The following BABAM2 variants were observed in gnomAD, a reference collection of about 807,000 sequenced individuals.
BABAM2 encodes BRISC and BRCA1-A complex member 2.
Under a neutral mutation model 54.7 loss-of-function variants are expected in BABAM2, and 31 were observed. The ratio of observed to expected loss-of-function variants is 0.57; its 90% CI spans 0.43 to 0.77. The LOEUF (loss-of-function observed/expected upper bound fraction) is 0.77. Among genes scored for constraint, BABAM2 ranks in the 30% least tolerant of loss-of-function variants. The pLI is 0.00. For synonymous variants in BABAM2, 167 were observed against 162.9 expected (o/e 1.03, Z -0.19); for missense variants, 364 against 455.8 (o/e 0.80, Z 1.83).
chr2:28,035,050 CAG>C (rs1676566409), intron 5 of BABAM2, among the ~76,000 whole-genome samples: 1 of 152,044 alleles, frequency 6.6e-6, no homozygotes, highest in African/African-American at 2.4e-5. Flanking sequence ...AAATACACAC[CAG>C]AGTTTGAAGA....
chr2:28,335,997 G>T (rs1691431060), intron 11 of BABAM2, among the ~76,000 whole-genome samples: 1 of 152,354 alleles, frequency 6.6e-6, no homozygotes, highest in Admixed American at 6.5e-5. Context: ...TAGAGGAACA[G>T]AATAGATTTT....
intron 10 of BABAM2, among the ~76,000 whole-genome samples, chr2:28,288,600 G>C (rs1263299695): frequency 1.3e-5 from 2 of 152,020 alleles, no homozygotes; most frequent in Non-Finnish European, 2.9e-5. Context: ...TGCTGGGATA[G>C]ATTATGGCTT....
At chr2:28,249,341 G>C (rs1683219229) in intron 10 of BABAM2, among the ~76,000 whole-genome samples, 1 of 151,972 alleles carries the variant, frequency 6.6e-6, no homozygotes, top group African/African-American at 2.4e-5. Context: ...TACCCGCCTA[G>C]GCCTCCCAAA....
At chr2:27,951,213 C>T (rs909007819) in intron 3 of BABAM2, among the ~76,000 whole-genome samples, 2 of 152,160 alleles carry the variant, frequency 1.3e-5, no homozygotes, top group South Asian at 2.1e-4. Context: ...CTCTTCTTTT[C>T]GTAGTTTATT....
intron 11 of BABAM2, among the ~76,000 whole-genome samples, chr2:28,317,769 T>C (rs1689686512): frequency 6.6e-6 from 1 of 152,218 alleles, no homozygotes; most frequent in Non-Finnish European, 1.5e-5. Context: ...TTTCTTCTCA[T>C]ATTGTTCACA....
Position 27,938,119 on chromosome 2 carries a change from G to A in BABAM2, c.205+8211G>A, listed in dbSNP as rs55882208. Among the ~76,000 whole-genome samples, 478 of 152,210 alleles carry A rather than the reference G, an allele frequency of 3.1e-3. 4 individuals are homozygous for A. The highest frequency in any genetic ancestry group is 0.011 in the African/African-American group (458 of 41,528). On this transcript the variant is annotated intron_variant, in intron 3 of 11. Transcript: ENST00000379624. ...TGTCAAAAATCAGTTAGCTGTAGAA[G>A]CGTGGTTTTATTTCTGGGCTTTCCA... is the stretch of plus-strand genomic sequence containing the variant.
chr2:28,334,187 A>G (rs1453234328), intron 11 of BABAM2, among the ~76,000 whole-genome samples: 1 of 152,254 alleles, frequency 6.6e-6, no homozygotes, highest in Non-Finnish European at 1.5e-5. Context: ...AGAACTTTCT[A>G]AAAAGAAAAA....
intron 11 of BABAM2, among the ~76,000 whole-genome samples, chr2:28,300,861 G>A (rs1688048481): frequency 1.3e-5 from 2 of 152,208 alleles, no homozygotes; most frequent in South Asian, 4.1e-4. Context: ...GCTTTCTACT[G>A]TAGCGAAGAT....
Position 28,290,226 on chromosome 2 carries a change from G to A in BABAM2, c.935-8112G>A, listed in dbSNP as rs541916884. On this transcript the variant is annotated intron_variant, in intron 10 of 11. Transcript: ENST00000379624. ...AGAATAGGCACAATGTATTTATCCG[G>A]TCTCCTGTTGATAGACATTTAAGAT... 3.3e-5 allele frequency among the ~76,000 whole-genome samples: 5 copies of A among 152,224 alleles called. No individual in the cohort carries two copies. In the East Asian group the frequency reaches 9.6e-4, roughly 29 times the overall value.
intron 11 of BABAM2, among the ~76,000 whole-genome samples, chr2:28,334,618 C>T (rs755498756): frequency 2.0e-5 from 3 of 152,222 alleles, no homozygotes; most frequent in Non-Finnish European, 4.4e-5. Context: ...GGCAGCCTGT[C>T]GATCTCAGAC....
At chr2:27,943,124 C>A (rs1669051710) in intron 3 of BABAM2, among the ~76,000 whole-genome samples, 2 of 152,164 alleles carry the variant, frequency 1.3e-5, no homozygotes, top group South Asian at 4.1e-4. Context: ...GCCGCTAGGT[C>A]CAAAAGCTGG....
At chr2:28,172,720 G>A (rs1674494384) in intron 7 of BABAM2, among the ~76,000 whole-genome samples, 1 of 152,166 alleles carries the variant, frequency 6.6e-6, no homozygotes, top group Non-Finnish European at 1.5e-5. Context: ...TTCTTGTTGA[G>A]TAGAAGAAAA....
At chr2:27,901,037 T>G (rs1338607451) in intron 2 of BABAM2, among the ~76,000 whole-genome samples, 14 of 99,316 alleles carry the variant, frequency 1.4e-4, no homozygotes, top group African/African-American at 5.4e-4. Context: ...AGTGAGACTC[T>G]GTCTCAAAAA....
intron 4 of BABAM2, among the ~76,000 whole-genome samples, chr2:27,999,727 C>T: frequency 6.6e-6 from 1 of 152,178 alleles, no homozygotes; most frequent in East Asian, 1.9e-4. Flanking sequence ...TAGCCACTTG[C>T]TGTTAAGCAC....
At chr2:28,104,080 A>G (rs1358339044) in intron 6 of BABAM2, among the ~76,000 whole-genome samples, 1 of 152,242 alleles carries the variant, frequency 6.6e-6, no homozygotes, top group Non-Finnish European at 1.5e-5. Context: ...ACCTAAAACC[A>G]TAAAAACCCT....
chr2:28,077,229 T>C (rs1230799764), intron 6 of BABAM2, among the ~76,000 whole-genome samples: 2 of 152,240 alleles, frequency 1.3e-5, no homozygotes, highest in African/African-American at 4.8e-5. Context: ...CACAACCTGC[T>C]ATATTTGAAT....
chr2:27,974,242 AAAAC>A (rs775175903), intron 3 of BABAM2, among the ~76,000 whole-genome samples: 179 of 152,210 alleles, frequency 1.2e-3, no homozygotes, highest in Non-Finnish European at 1.7e-3. Flanking sequence ...AAAGTAGAAG[AAAAC>A]AAACAAACAA....
rs577533540 is a variant in BABAM2 at position 28,261,524 on chromosome 2, A to G, written c.934+16662A>G. Among the ~76,000 whole-genome samples the G allele has an allele frequency of 2.0e-3, 309 of 151,788 alleles. 3 individuals are homozygous for G. The highest frequency in any genetic ancestry group is 2.9e-3 in the Non-Finnish European group (198 of 67,916). On this transcript the variant is annotated intron_variant, in intron 10 of 11. Coordinates refer to ENST00000379624, the MANE Select transcript of BABAM2 (RefSeq NM_199191.3). ...TTTTTTTTGTATTTTTAGTAGAGAC[A>G]GTGTTTCATTTCACCCTGTTAGCCA...
intron 7 of BABAM2, among the ~76,000 whole-genome samples, chr2:28,236,582 T>A (rs1681939451): frequency 6.6e-6 from 1 of 152,090 alleles, no homozygotes; most frequent in Admixed American, 6.6e-5. Flanking sequence ...GCCAGGCTGG[T>A]CTCAAACTCC....
Sources: allele counts gnomAD v4.1 joint callset (sites outside exome capture counted in the v4.1 genomes callset), GRCh38; gene constraint gnomAD v4.1.1; transcripts MANE v1.5; gene names NCBI Gene and HGNC (gene_info 2026-07-23, HGNC 2026-07-21).